EML1: variants seen among roughly 807,000 people sequenced by gnomAD.
EML1 encodes echinoderm microtubule-associated protein-like 1.
Under a neutral mutation model 110.4 loss-of-function variants are expected in EML1, and 27 were observed. The observed-to-expected ratio is 0.24, with a 90% confidence interval of 0.18 to 0.34. EML1 has a LOEUF of 0.34. Among genes scored for constraint, EML1 ranks in the 10% least tolerant of loss-of-function variants. The pLI is 1.00. For synonymous variants in EML1, 344 were observed against 385.8 expected (o/e 0.89, Z 1.27); for missense variants, 741 against 1,030.9 (o/e 0.72, Z 3.85).
At chr14:99,935,781 C>CA (rs1160100015) in intron 17 of EML1, among the ~76,000 whole-genome samples, 37,049 of 82,050 alleles carry the variant, frequency 0.45, 8,087 homozygotes, top group African/African-American at 0.63. Context: ...GACTCCGTCT[C>CA]AAAAAAAAAA....
intron 1 of EML1, among the ~76,000 whole-genome samples, chr14:99,752,576 C>T (rs1419168889): frequency 6.6e-6 from 1 of 152,218 alleles, no homozygotes; most frequent in African/African-American, 2.4e-5. Context: ...GAGCCAGCTG[C>T]CTGCTGAGGT....
rs528394361 is a variant in EML1, at chr14:99,844,336, G to A, written c.68-6517G>A. On this transcript the variant is annotated intron_variant, in intron 1 of 21. Transcript: ENST00000262233. ...TCTACTGAAAATACAAAAATTAGCCGAGCATGGTGGTGTGTGCCTGTAGTC... is the reference window on the plus strand; with the variant it reads ...TCTACTGAAAATACAAAAATTAGCCAAGCATGGTGGTGTGTGCCTGTAGTC... Among the ~76,000 whole-genome samples, 104 of 152,158 alleles carry A rather than the reference G, an allele frequency of 6.8e-4. 3 individuals carry two copies. The South Asian group carries it at 0.021, about 30-fold the overall frequency.
chr14:99,898,511 G>A (rs1288148649), intron 8 of EML1, among the ~76,000 whole-genome samples: 1 of 152,136 alleles, frequency 6.6e-6, no homozygotes, highest in Non-Finnish European at 1.5e-5. Flanking sequence ...CAGCACTTTG[G>A]GATGCCAAGG....
At chr14:99,792,216 C>T, upstream of EML1, among the ~76,000 whole-genome samples, 1 of 152,314 alleles carries the variant, frequency 6.6e-6, no homozygotes, top group African/African-American at 2.4e-5. Flanking sequence ...GCGAGACCTA[C>T]GAGTTTTCCT....
intron 1 of EML1, among the ~76,000 whole-genome samples, chr14:99,775,635 G>A (rs2057473750): frequency 6.6e-6 from 1 of 152,208 alleles, no homozygotes; most frequent in South Asian, 2.1e-4. Flanking sequence ...GGGAGCCCAG[G>A]GGCTTTTGAT....
At chr14:99,876,341 G>A (rs1381000049) in intron 3 of EML1, among the ~76,000 whole-genome samples, 1 of 152,100 alleles carries the variant, frequency 6.6e-6, no homozygotes, top group East Asian at 1.9e-4. Flanking sequence ...TCTGGTCCCC[G>A]TGCACCCTTC....
At chr14:99,799,959 A>G (rs1000255581) in intron 1 of EML1, among the ~76,000 whole-genome samples, 3 of 152,212 alleles carry the variant, frequency 2.0e-5, no homozygotes, top group Non-Finnish European at 4.4e-5. Flanking sequence ...AATCAGTGGC[A>G]TTTTGTACTC....
At chr14:99,923,202 A>G (rs1021114032) in intron 17 of EML1, among the ~76,000 whole-genome samples, 6 of 152,138 alleles carry the variant, frequency 3.9e-5, no homozygotes, top group African/African-American at 1.4e-4. Flanking sequence ...TCGGCCTCCC[A>G]AAACTGCTGG....
At chr14:99,868,888 T>C (rs2059147330) in intron 3 of EML1, among the ~76,000 whole-genome samples, 2 of 152,186 alleles carry the variant, frequency 1.3e-5, no homozygotes, top group Non-Finnish European at 2.9e-5. Flanking sequence ...CCTTGAAGTA[T>C]AAAGTTAGGA....
intron 1 of EML1, among the ~76,000 whole-genome samples, chr14:99,839,558 T>C (rs2058600239): frequency 6.6e-6 from 1 of 152,218 alleles, no homozygotes; most frequent in Non-Finnish European, 1.5e-5. Context: ...GAGTATTTTT[T>C]CTCATCTCCA....
chr14:99,939,970 C>G lies in EML1; in HGVS notation c.2323-17C>G. The G allele has an allele frequency of 6.5e-7, 1 of 1,541,832 alleles. No homozygotes were observed. ...CCTTGTAGTAAAGGAAGCTTTCCCC[C>G]GTATCATTCCCTCCAGGCTCCAAGC... On this transcript the variant is annotated splice_polypyrimidine_tract_variant and intron_variant, in intron 21 of 21. Transcript: ENST00000262233. This position sits in a 1 kb window ranked among gnomAD's most constrained non-coding sequence, Gnocchi z 4.2.
intron 1 of EML1, among the ~76,000 whole-genome samples, chr14:99,795,988 G>A (rs1190947022): frequency 6.6e-6 from 1 of 152,086 alleles, no homozygotes; most frequent in African/African-American, 2.4e-5. Context: ...GAGTTTGAGA[G>A]CAGCCTGGGC....
At chr14:99,872,909 G>A (rs1400227646) in intron 3 of EML1, among the ~76,000 whole-genome samples, 1 of 152,120 alleles carries the variant, frequency 6.6e-6, no homozygotes, top group African/African-American at 2.4e-5. Flanking sequence ...TTCTCCGGGG[G>A]TTTTTCAGCC....
At chr14:99,845,650 C>T (rs1196566941) in intron 1 of EML1, among the ~76,000 whole-genome samples, 1 of 152,146 alleles carries the variant, frequency 6.6e-6, no homozygotes, top group African/African-American at 2.4e-5. Context: ...TTTGTAAGAG[C>T]TTAGCGGCTC....
At chr14:99,810,948 C>T (rs1459864644) in intron 1 of EML1, among the ~76,000 whole-genome samples, 2 of 152,006 alleles carry the variant, frequency 1.3e-5, no homozygotes, top group African/African-American at 4.8e-5. Flanking sequence ...TAAATATATA[C>T]AATTATTGTC....
intron 8 of EML1, among the ~76,000 whole-genome samples, chr14:99,900,386 C>T (rs2059744094): frequency 6.6e-6 from 1 of 151,806 alleles, no homozygotes; most frequent in African/African-American, 2.4e-5. Context: ...AGGGTTTCAC[C>T]ATGTTGGTCA....
At chr14:99,777,449 T>C (rs1225048137) in intron 1 of EML1, among the ~76,000 whole-genome samples, 1 of 152,222 alleles carries the variant, frequency 6.6e-6, no homozygotes, top group Non-Finnish European at 1.5e-5. Flanking sequence ...GAGAGGAGTC[T>C]TGCGCTGTCG....
rs147421546 is a variant in EML1, at chr14:99,858,238, A to G, written c.250+7203A>G. 1.4e-3 allele frequency among the ~76,000 whole-genome samples: 207 copies of G among 150,324 alleles called. 2 individuals are homozygous for G. In the East Asian group the frequency reaches 0.025, roughly 18 times the overall value. Reference sequence around the variant, plus strand: ...TTGCTCTTGTTGCCCAGGCTGGAGTACAATGGTGCGATCTCAGCTCACCAC... The same window carrying G: ...TTGCTCTTGTTGCCCAGGCTGGAGTGCAATGGTGCGATCTCAGCTCACCAC... On this transcript the variant is annotated intron_variant, in intron 2 of 21. Coordinates refer to ENST00000262233, the MANE Select transcript of EML1 (RefSeq NM_004434.3).
chr14:99,811,098 C>G (rs2058069634), intron 1 of EML1, among the ~76,000 whole-genome samples: 2 of 152,132 alleles, frequency 1.3e-5, no homozygotes, highest in African/African-American at 4.8e-5. Flanking sequence ...ACACGGTTGA[C>G]CCTTGAACAA....
Sources: allele counts gnomAD v4.1 joint callset (sites outside exome capture counted in the v4.1 genomes callset), GRCh38; gene constraint gnomAD v4.1.1; non-coding constraint Gnocchi (gnomAD v3.1); transcripts MANE v1.5; gene names NCBI Gene and HGNC (gene_info 2026-07-23, HGNC 2026-07-21).